The following CECR2 variants were observed in gnomAD, a reference collection of about 807,000 sequenced individuals.
CECR2 encodes the protein CECR2 histone acetyl-lysine reader.
CECR2 carries 30 observed loss-of-function variants against 154.5 expected under a neutral mutation model. That is an observed-to-expected ratio of 0.19 (90% CI 0.15 to 0.26). The LOEUF is 0.26. Among genes scored for constraint, CECR2 ranks in the 10% least tolerant of loss-of-function variants. The probability of loss-of-function intolerance (pLI) is 1.00; values close to 1 mark genes in which losing one functional copy is unlikely to be tolerated. For missense variants in CECR2, 1,743 were observed against 1,829.3 expected (o/e 0.95, Z 0.86); for synonymous variants, 725 against 683.7 (o/e 1.06, Z -0.94).
Position 17,414,036 on chromosome 22 carries a change from A to G in CECR2, c.126+44127A>G, listed in dbSNP as rs185744060. ...CACCCAGGCTGGAGTGTGGTGGTGC[A>G]ATCTCCGCTCACTGCAAGCTCCGCC... On this transcript the variant is annotated intron_variant, in intron 1 of 18. Coordinates refer to ENST00000262608, the MANE Select transcript of CECR2 (RefSeq NM_001290047.2). Among the ~76,000 whole-genome samples, 848 of 126,566 alleles carry G rather than the reference A, an allele frequency of 6.7e-3. 7 individuals are homozygous for G. Among genetic ancestry groups the G allele is most frequent in the African/African-American group, 0.024 (801 of 33,386 alleles). 83.0% of individuals were successfully genotyped at this position (126,566 alleles called of 152,430 possible).
intron 1 of CECR2, among the ~76,000 whole-genome samples, chr22:17,375,401 C>T (rs1237905215): frequency 1.3e-5 from 2 of 152,144 alleles, no homozygotes; most frequent in African/African-American, 2.4e-5. Context: ...AGGCATGAGC[C>T]ACTACACCCA....
At position 17,554,807 on chromosome 22, in the gene CECR2, G is replaced by C. The variant is rs2056755645; in HGVS notation, c.*1967G>C. On this transcript the variant is annotated 3_prime_UTR_variant, in exon 19 of 19. Transcript: ENST00000262608. ...GTTTAGAAGAGTGAAGAGGACAGAA[G>C]GATTGTGGATGGGTCTGCCCTTTAG... 1 of 152,244 alleles carries C rather than the reference G, an allele frequency of 6.6e-6. No individual in the cohort carries two copies. The highest frequency in any genetic ancestry group is 2.4e-5 in the African/African-American group (1 of 41,464). The allele number at this position is 152,244 out of a possible 1,614,324, so 9.4% of individuals were successfully genotyped here. A position where few individuals can be genotyped will look rare whatever the true frequency, so the allele number is the denominator to read the frequency against.
intron 9 of CECR2, among the ~76,000 whole-genome samples, chr22:17,534,422 A>T (rs1354241382): frequency 6.6e-6 from 1 of 152,242 alleles, no homozygotes; most frequent in Admixed American, 6.5e-5. Flanking sequence ...AAGAAGTTGT[A>T]GATGGGATAG....
chr22:17,447,600 TAATA>T (rs896544120), intron 1 of CECR2, among the ~76,000 whole-genome samples: 1 of 144,848 alleles, frequency 6.9e-6, no homozygotes, highest in Non-Finnish European at 1.5e-5. Flanking sequence ...CACATAGGAG[TAATA>T]AATAAAATAA....
intron 1 of CECR2, among the ~76,000 whole-genome samples, chr22:17,380,975 TCCATTCC>T (rs1480816649): frequency 6.6e-6 from 1 of 152,104 alleles, no homozygotes; most frequent in Non-Finnish European, 1.5e-5. Context: ...CTTTCTCTTC[TCCATTCC>T]CCATTATGTC....
At chr22:17,437,693 C>T (rs762591944) in intron 1 of CECR2, among the ~76,000 whole-genome samples, 1 of 151,912 alleles carries the variant, frequency 6.6e-6, no homozygotes, top group Non-Finnish European at 1.5e-5. Context: ...AGGTGTCACA[C>T]TGTTGACCAT....
chr22:17,388,332 A>C (rs1444062962), intron 1 of CECR2, among the ~76,000 whole-genome samples: 1 of 152,206 alleles, frequency 6.6e-6, no homozygotes. Flanking sequence ...CACTGTCTCA[A>C]GTGTTTCTCA....
In CECR2 at chr22:17,557,584, T is replaced by A. The variant is rs1050014606; in HGVS notation, c.*4744T>A. The A allele has an allele frequency of 7.2e-6, 1 of 139,340 alleles. No homozygotes were observed. Among genetic ancestry groups the A allele is most frequent in the African/African-American group, 2.7e-5 (1 of 37,112 alleles). 8.6% of individuals were successfully genotyped at this position (139,340 alleles called of 1,614,324 possible). ...TTTCCTACCTAGTTTCTCCCTCTTG[T>A]CCTGCACAAGAGGACTAACTGAACT... On this transcript the variant is annotated 3_prime_UTR_variant, in exon 19 of 19. Coordinates refer to ENST00000262608, the MANE Select transcript of CECR2 (RefSeq NM_001290047.2).
chr22:17,471,903 G>A lies in CECR2; in HGVS notation c.127-5685G>A, dbSNP rs2055134159. ...TAGCCTTTTTTAACTTCTGGAGACAGTTTTAGTAATTCACACATTTTCAGA... is the reference window on the plus strand; with the variant it reads ...TAGCCTTTTTTAACTTCTGGAGACAATTTTAGTAATTCACACATTTTCAGA... On this transcript the variant is annotated intron_variant, in intron 1 of 18. Coordinates refer to ENST00000262608, the MANE Select transcript of CECR2 (RefSeq NM_001290047.2). Among the ~76,000 whole-genome samples the A allele has an allele frequency of 2.0e-5, 3 of 152,130 alleles. No individual in the cohort carries two copies. In the South Asian group the frequency reaches 6.2e-4, roughly 32 times the overall value.
chr22:17,536,821 T>C (rs1269099848), intron 9 of CECR2, among the ~76,000 whole-genome samples: 1 of 152,128 alleles, frequency 6.6e-6, no homozygotes, highest in Non-Finnish European at 1.5e-5. Flanking sequence ...TCTGCCTTAC[T>C]CCCTCCCCTC....
At chr22:17,490,861 T>G (rs1278858955) in intron 2 of CECR2, among the ~76,000 whole-genome samples, 1 of 147,674 alleles carries the variant, frequency 6.8e-6, no homozygotes, top group Non-Finnish European at 1.5e-5. Context: ...CAGAAGACAC[T>G]TTGTACCATT....
At chr22:17,422,323 G>A (rs1166523424) in intron 1 of CECR2, among the ~76,000 whole-genome samples, 3 of 152,070 alleles carry the variant, frequency 2.0e-5, no homozygotes, top group Non-Finnish European at 4.4e-5. Context: ...TCAGTCCCCC[G>A]AGTAGCTGGG....
Position 17,537,294 on chromosome 22 carries a change from G to A in CECR2, c.1238+62G>A, listed in dbSNP as rs1413555474. 8.2e-6 allele frequency: 13 copies of A among 1,584,106 alleles called. No homozygotes were observed. The East Asian group carries it at 2.7e-4, about 33-fold the overall frequency. On this transcript the variant is annotated intron_variant, in intron 10 of 18. Coordinates refer to ENST00000262608, the MANE Select transcript of CECR2 (RefSeq NM_001290047.2). Reference sequence around the variant, plus strand: ...CTGGTAGCATTTATGAAGCATTCAGGCACTTGCCCCATGTCATCCTTAGAA... The same window carrying A: ...CTGGTAGCATTTATGAAGCATTCAGACACTTGCCCCATGTCATCCTTAGAA...
chr22:17,504,833 C>G lies in CECR2; in HGVS notation c.701-14C>G, dbSNP rs2055807996. On this transcript the variant is annotated splice_polypyrimidine_tract_variant and intron_variant, in intron 6 of 18. Transcript: ENST00000262608. ...TGGGATCTCCTGTAGTGAATCCGTT[C>G]CTTTATTTTCTAGGGTCCCAAGGGC... is the stretch of plus-strand genomic sequence containing the variant. 1 of 1,609,122 alleles carries G rather than the reference C, an allele frequency of 6.2e-7. No individual in the cohort carries two copies. Among genetic ancestry groups the G allele is most frequent in the Admixed American group, 1.7e-5 (1 of 58,576 alleles).
chr22:17,518,629 G>T, intron 8 of CECR2: 2 of 424,792 alleles, frequency 4.7e-6, no homozygotes, highest in Non-Finnish European at 9.6e-6. Flanking sequence ...CATGGGCTTG[G>T]CACTCCATGC....
At chr22:17,454,604 C>CAA (rs533818885) in intron 1 of CECR2, among the ~76,000 whole-genome samples, 1,657 of 88,452 alleles carry the variant, frequency 0.019, 32 homozygotes, top group African/African-American at 0.05. Flanking sequence ...GACTCCGTCT[C>CAA]AAAAAAAAAA....
chr22:17,422,758 A>C (rs1053534942), intron 1 of CECR2, among the ~76,000 whole-genome samples: 8 of 149,754 alleles, frequency 5.3e-5, no homozygotes, highest in African/African-American at 1.7e-4. Context: ...CCTTAAGCTC[A>C]GAGATTATTC....
chr22:17,448,343 A>G (rs2054710978), intron 1 of CECR2, among the ~76,000 whole-genome samples: 1 of 152,202 alleles, frequency 6.6e-6, no homozygotes. Flanking sequence ...TTGTTGTGTT[A>G]TAATTCTTTT....
At chr22:17,474,328 C>T (rs559262040) in intron 1 of CECR2, among the ~76,000 whole-genome samples, 12 of 152,234 alleles carry the variant, frequency 7.9e-5, no homozygotes, top group African/African-American at 2.9e-4. Flanking sequence ...TTAATGACTT[C>T]ATGAGTTAGT....
Sources: allele counts gnomAD v4.1 joint callset (sites outside exome capture counted in the v4.1 genomes callset), GRCh38; gene constraint gnomAD v4.1.1; transcripts MANE v1.5; gene names NCBI Gene and HGNC (gene_info 2026-07-23, HGNC 2026-07-21).